The following OR4E2 variants were observed in gnomAD, a reference collection of about 807,000 sequenced individuals.
The protein encoded by OR4E2 is olfactory receptor family 4 subfamily E member 2, also known as olfactory receptor 4E2.
In OR4E2, 9 loss-of-function variants were observed where a neutral mutation model predicts 11.0. That is an observed-to-expected ratio of 0.82 (90% CI 0.49 to 1.43). The LOEUF (loss-of-function observed/expected upper bound fraction) is 1.43, where lower values mean the gene tolerates loss of function less well. Ranked by LOEUF, OR4E2 falls within the 40% of genes most tolerant of loss-of-function variation. The pLI, the probability that OR4E2 is intolerant of heterozygous loss-of-function variation, is 0.00. For missense variants in OR4E2, 441 were observed against 382.0 expected (o/e 1.15, Z -1.29); for synonymous variants, 159 against 147.3 (o/e 1.08, Z -0.57).
At chr14:21,661,079 T>C (rs901905422) in intron 3 of OR4E2, among the ~76,000 whole-genome samples, 1 of 152,142 alleles carries the variant, frequency 6.6e-6, no homozygotes, top group Non-Finnish European at 1.5e-5. Context: ...TAATACTTTG[T>C]TTTAAAACAA....
Position 21,664,524 on chromosome 14 carries a change from T to C in OR4E2, c.-8-551T>C, listed in dbSNP as rs34025045. Among the ~76,000 whole-genome samples the C allele has an allele frequency of 9.1e-3, 1,381 of 152,268 alleles. 10 individuals carry two copies. Among genetic ancestry groups the C allele is most frequent in the Non-Finnish European group, 0.015 (1,030 of 68,014 alleles). On this transcript the variant is annotated intron_variant, in intron 3 of 3. Coordinates refer to ENST00000641524, the MANE Select transcript of OR4E2 (RefSeq NM_001001912.3). ...TTCTGAGCAGAGGGAAAAGAAAAAG[T>C]AAAGACAAAGATTTTGGAAGGTAAG... is the stretch of plus-strand genomic sequence containing the variant.
In OR4E2 at chr14:21,665,243, G is replaced by C; in HGVS notation, c.161G>C (p.Ser54Thr). ...LIIIATVFTP[S>T]LHTPMYFFLS... is the part of the protein sequence containing the mutation. Reference sequence around the variant, plus strand: ...ATCATTGCCACAGTCTTTACTCCAAGTCTCCATACCCCCATGTATTTCTTC... The same window carrying C: ...ATCATTGCCACAGTCTTTACTCCAACTCTCCATACCCCCATGTATTTCTTC... Residue 54 changes from serine to threonine, a missense_variant, in exon 4 of 4, where the codon AGT becomes ACT. Physicochemically the swap from Ser to Thr is moderately conservative, Grantham distance 58 (BLOSUM62 1). Transcript: ENST00000641524. 1 of 1,614,048 alleles carries C rather than the reference G, an allele frequency of 6.2e-7. No homozygotes were observed. Among genetic ancestry groups the C allele is most frequent in the Non-Finnish European group, 8.5e-7 (1 of 1,179,990 alleles).
intron 2 of OR4E2, among the ~76,000 whole-genome samples, chr14:21,657,420 T>C (rs1566581859): frequency 1.4e-4 from 21 of 146,284 alleles, no homozygotes; most frequent in African/African-American, 1.8e-4. Flanking sequence ...CTTTCTTTCT[T>C]TCTCTTTCTT....
At chr14:21,661,033 G>A (rs1880293486) in intron 3 of OR4E2, among the ~76,000 whole-genome samples, 3 of 152,012 alleles carry the variant, frequency 2.0e-5, no homozygotes, top group African/African-American at 4.8e-5. Flanking sequence ...CAAGCTATGG[G>A]TATTCTTCTC....
intron 3 of OR4E2, among the ~76,000 whole-genome samples, chr14:21,664,515 A>G (rs774700822): frequency 1.3e-5 from 2 of 152,170 alleles, no homozygotes; most frequent in Non-Finnish European, 2.9e-5. Flanking sequence ...GCAGAGGGAA[A>G]AGAAAAAGTA....
chr14:21,660,120 G>T (rs571246543), intron 2 of OR4E2, among the ~76,000 whole-genome samples: 39 of 151,964 alleles, frequency 2.6e-4, no homozygotes, highest in Non-Finnish European at 5.7e-4. Flanking sequence ...ATGGACTGGG[G>T]GTGGGGGCGA....
rs1880628274 is a variant in OR4E2 at position 21,665,979 on chromosome 14, G to A, written c.897G>A (p.Lys299=). Residue 299 remains lysine (K), a synonymous_variant, in exon 4 of 4, where the codon AAG becomes AAA. Transcript: ENST00000641524. ...LRNEEVKSAM[K]QLRQRQVFFT... ...ATGAGGAGGTAAAAAGTGCCATGAA[G>A]CAGCTCAGGCAGAGACAAGTTTTTT... 6.2e-7 allele frequency: 1 copy of A among 1,614,020 alleles called. No homozygotes were observed.
chr14:21,655,787 T>C (rs2139795063), intron 1 of OR4E2, among the ~76,000 whole-genome samples: 1 of 152,294 alleles, frequency 6.6e-6, no homozygotes, highest in East Asian at 1.9e-4. Context: ...GAATACTTTT[T>C]TTCTATAAAA....
At chr14:21,655,326 A>C (rs1879882588) in intron 1 of OR4E2, among the ~76,000 whole-genome samples, 1 of 152,012 alleles carries the variant, frequency 6.6e-6, no homozygotes, top group Non-Finnish European at 1.5e-5. Flanking sequence ...ACAAGAATAG[A>C]CTAAGACAAA....
In OR4E2 at chr14:21,666,026, G is replaced by C; in HGVS notation, c.*2G>C. On this transcript the variant is annotated 3_prime_UTR_variant, in exon 4 of 4. Transcript: ENST00000641524. Reference sequence around the variant, plus strand: ...TTTTTCACGAAATCATATACATAATGGGCACTGGGATTGCAGACATAATTG... The same window carrying C: ...TTTTTCACGAAATCATATACATAATCGGCACTGGGATTGCAGACATAATTG... The C allele has an allele frequency of 6.2e-7, 1 of 1,604,744 alleles. No individual in the cohort carries two copies.
chr14:21,665,569 A>T lies in OR4E2; in HGVS notation c.487A>T (p.Thr163Ser). The T allele has an allele frequency of 6.2e-7, 1 of 1,614,028 alleles. No homozygotes were observed. Reference protein sequence around the residue: ...TVHSLGQTFLTIRLPYCGPNI... With the variant: ...TVHSLGQTFLSIRLPYCGPNI... ...TCACTCACTAGGGCAGACCTTCTTG[A>T]CTATTCGTCTACCTTACTGTGGCCC... Residue 163 changes from threonine (T) to serine (S), a missense_variant, in exon 4 of 4, where the codon ACT (threonine) becomes TCT (serine). Transcript: ENST00000641524.
At chr14:21,662,691 T>C (rs1026208387) in intron 3 of OR4E2, among the ~76,000 whole-genome samples, 1 of 152,210 alleles carries the variant, frequency 6.6e-6, no homozygotes, top group African/African-American at 2.4e-5. Context: ...TTGGTAGGCC[T>C]TTGTCACTAT....
At chr14:21,664,350 G>A (rs1475850842) in intron 3 of OR4E2, among the ~76,000 whole-genome samples, 5 of 152,162 alleles carry the variant, frequency 3.3e-5, no homozygotes, top group Non-Finnish European at 7.3e-5. Context: ...GATCAGTGAT[G>A]TTGAGCTTTT....
Position 21,665,385 on chromosome 14 carries a change from C to T in OR4E2, c.303C>T (p.Leu101=), listed in dbSNP as rs1184388144. The part of the protein sequence containing the change: ...TISFDNCITQ[L]FFLHLFACAE... ...CCTTTGACAACTGCATCACACAGCTCTTCTTCCTACATCTCTTTGCCTGTG... is the reference window on the plus strand; with the variant it reads ...CCTTTGACAACTGCATCACACAGCTTTTCTTCCTACATCTCTTTGCCTGTG... The change falls in exon 4 of 4, where the codon CTC becomes CTT. Residue 101 remains leucine, a synonymous_variant. Transcript: ENST00000641524. 1.2e-6 allele frequency: 2 copies of T among 1,614,018 alleles called. No individual in the cohort carries two copies. The highest frequency in any genetic ancestry group is 4.5e-5 in the East Asian group (2 of 44,896).
intron 3 of OR4E2, among the ~76,000 whole-genome samples, chr14:21,661,325 T>C (rs12432054): frequency 0.87 from 131,967 of 152,198 alleles, 57,459 homozygotes; most frequent in African/African-American, 0.91. Context: ...AGCATATGCA[T>C]GTACATATAT....
chr14:21,657,496 C>A (rs866626964), intron 2 of OR4E2, among the ~76,000 whole-genome samples: 4 of 70,548 alleles, frequency 5.7e-5, no homozygotes, highest in African/African-American at 2.0e-4. Flanking sequence ...TCCTTCCTTC[C>A]TTCCTTCCTT....
intron 2 of OR4E2, among the ~76,000 whole-genome samples, chr14:21,658,246 T>C (rs1372851447): frequency 6.6e-6 from 1 of 152,148 alleles, no homozygotes; most frequent in Admixed American, 6.5e-5. Context: ...CATCCCATTT[T>C]ATTAGGGAGA....
intron 2 of OR4E2, among the ~76,000 whole-genome samples, chr14:21,660,024 A>G (rs891455078): frequency 6.6e-6 from 1 of 152,166 alleles, no homozygotes; most frequent in Non-Finnish European, 1.5e-5. Flanking sequence ...GAGCAAAGAC[A>G]TCAAGGGGGT....
chr14:21,658,140 T>C (rs12890030), intron 2 of OR4E2, among the ~76,000 whole-genome samples: 13,444 of 152,230 alleles, frequency 0.088, 715 homozygotes, highest in Middle Eastern at 0.13. Context: ...AACTATTGAG[T>C]AATAGAAAGG....
Sources: gnomAD v4.1 joint callset for allele counts (sites outside exome capture counted in the v4.1 genomes callset) on GRCh38, gnomAD v4.1.1 for gene constraint, MANE v1.5 for transcripts, NCBI Gene and HGNC (gene_info 2026-07-23, HGNC 2026-07-21) for gene names.